ADH6: variants seen among roughly 807,000 people sequenced by gnomAD.
ADH6 encodes the protein alcohol dehydrogenase 6.
A neutral mutation model predicts 36.5 loss-of-function variants in ADH6; 34 were observed. That is an observed-to-expected ratio of 0.93 (90% confidence interval 0.71 to 1.24). ADH6 has a LOEUF of 1.24. ADH6 is among the 50% of genes most tolerant of loss of function. The pLI, the probability that ADH6 is intolerant of heterozygous loss-of-function variation, is 0.00. For missense variants in ADH6, 440 were observed against 447.0 expected (o/e 0.98, Z 0.14); for synonymous variants, 161 against 155.5 (o/e 1.04, Z -0.26).
chr4:99,217,541 A>T (rs1184744898), intron 1 of ADH6, among the ~76,000 whole-genome samples: 1 of 152,194 alleles, frequency 6.6e-6, no homozygotes, highest in African/African-American at 2.4e-5. Context: ...GCTGCAGATG[A>T]CAGGATCTCA....
Position 99,204,000 on chromosome 4 carries a change from C to G in ADH6, c.*219G>C. The G allele has an allele frequency of 1.9e-6, 1 of 526,866 alleles. No individual in the cohort carries two copies. Among genetic ancestry groups the G allele is most frequent in the Non-Finnish European group, 3.2e-6 (1 of 308,148 alleles). 32.6% of individuals were successfully genotyped at this position (526,866 alleles called of 1,614,324 possible). A position where few individuals can be genotyped will look rare whatever the true frequency, so the allele number is the denominator to read the frequency against. On this transcript the variant is annotated 3_prime_UTR_variant, in exon 9 of 9. Coordinates refer to ENST00000394899, the MANE Select transcript of ADH6 (RefSeq NM_001102470.2). ...GATTCAAGCCAACCTTAATCTAGCT[C>G]TGAAAAGGAGGCTGATCCTTGGTGA... is the stretch of plus-strand genomic sequence containing the variant.
rs1483529422 is a variant in ADH6, at chr4:99,203,275, G to A, written c.*944C>T. 6.6e-6 allele frequency: 1 copy of A among 152,082 alleles called. No individual in the cohort carries two copies. The highest frequency in any genetic ancestry group is 2.4e-5 in the African/African-American group (1 of 41,348). 9.4% of individuals were successfully genotyped at this position (152,082 alleles called of 1,614,324 possible). On this transcript the variant is annotated 3_prime_UTR_variant, in exon 9 of 9. Transcript: ENST00000394899. ...GTAATAGGCTCTTTTTGTATCAAGA[G>A]GAAGGGAAGGAAGTCATATCCCAAG...
intron 6 of ADH6, 62 bp downstream of exon 6, chr4:99,208,606 A>G (rs1560805184): frequency 8.5e-6 from 13 of 1,521,916 alleles, no homozygotes; most frequent in Non-Finnish European, 8.9e-6. Context: ...AGCTCATTCA[A>G]CTATAATCTA....
rs777072485 is a variant in ADH6, at chr4:99,210,521, G to A, written c.263-19C>T. 180 of 1,557,838 alleles carry A rather than the reference G, an allele frequency of 1.2e-4. No homozygotes were observed. The highest frequency in any genetic ancestry group is 1.5e-4 in the Non-Finnish European group (172 of 1,133,222). On this transcript the variant is annotated intron_variant, in intron 3 of 8. Transcript: ENST00000394899. ...TTGTCACCTAAAAGAGCAAAATCAT[G>A]TCTTATTAACATATTATTTTTTAAA... is the stretch of plus-strand genomic sequence containing the variant.
intron 3 of ADH6, among the ~76,000 whole-genome samples, chr4:99,211,811 C>T (rs1289189696): frequency 6.6e-6 from 1 of 152,082 alleles, no homozygotes. Context: ...CTGGAAGGTG[C>T]CACAGAAGAA....
At chr4:99,215,105 A>G (rs896703101) in intron 2 of ADH6, among the ~76,000 whole-genome samples, 2 of 152,084 alleles carry the variant, frequency 1.3e-5, no homozygotes, top group African/African-American at 4.8e-5. Context: ...CTTGTCTGAT[A>G]ATGGTTGAAT....
At chr4:99,216,738 A>G (rs745920812) in intron 1 of ADH6, among the ~76,000 whole-genome samples, 126 of 151,854 alleles carry the variant, frequency 8.3e-4, no homozygotes, top group Non-Finnish European at 1.6e-3. Context: ...CCAGCTACTC[A>G]GGAGGCTGAG....
At chr4:99,204,760 A>G (rs1730959436) in intron 8 of ADH6, 165 bp downstream of exon 8, 1 of 1,296,876 alleles carries the variant, frequency 7.7e-7, no homozygotes. Context: ...TAGAAATAAA[A>G]CAAAATGCAG....
Position 99,202,697 on chromosome 4 carries a change from C to T in ADH6, c.*1522G>A, listed in dbSNP as rs938486083. 12 of 397,890 alleles carry T rather than the reference C, an allele frequency of 3.0e-5. No homozygotes were observed. The highest frequency in any genetic ancestry group is 4.9e-5 in the Non-Finnish European group (11 of 225,618). 24.6% of individuals were successfully genotyped at this position (397,890 alleles called of 1,614,324 possible). A position where few individuals can be genotyped will look rare whatever the true frequency, so the allele number is the denominator to read the frequency against. ...AGTGTGGACACTGTTTACAACAAAA[C>T]GTTTCCGGGAAAACTTGGATTTCCC... On this transcript the variant is annotated 3_prime_UTR_variant, in exon 9 of 9. Coordinates refer to ENST00000394899, the MANE Select transcript of ADH6 (RefSeq NM_001102470.2).
At chr4:99,205,268 A>G (rs1404739463) in intron 7 of ADH6, among the ~76,000 whole-genome samples, 1 of 152,094 alleles carries the variant, frequency 6.6e-6, no homozygotes, top group Non-Finnish European at 1.5e-5. Flanking sequence ...TTCTGGTACT[A>G]CAGAGGAGAA....
At chr4:99,211,640 A>G (rs1412338214) in intron 3 of ADH6, among the ~76,000 whole-genome samples, 8 of 152,166 alleles carry the variant, frequency 5.3e-5, no homozygotes, top group Non-Finnish European at 4.4e-5. Context: ...AAGTTCACTA[A>G]TCAGTTGTCA....
intron 3 of ADH6, 152 bp from the exon 4 acceptor site, chr4:99,210,654 C>A: frequency 4.7e-6 from 3 of 638,938 alleles, no homozygotes; most frequent in South Asian, 2.1e-5. Flanking sequence ...CAAAGAATAT[C>A]AAATACTTAC....
chr4:99,217,256 T>C (rs1731474241), intron 1 of ADH6, among the ~76,000 whole-genome samples: 1 of 152,166 alleles, frequency 6.6e-6, no homozygotes, highest in Non-Finnish European at 1.5e-5. Flanking sequence ...CAGGATGTTC[T>C]TGATCTCCTG....
chr4:99,210,509 G>A lies in ADH6; in HGVS notation c.263-7C>T, dbSNP rs1191257106. The A allele has an allele frequency of 1.3e-6, 2 of 1,592,354 alleles. No homozygotes were observed. Among genetic ancestry groups the A allele is most frequent in the Middle Eastern group, 2.2e-4 (1 of 4,644 alleles). ...AGTGTGATAACTTTGTCACCTAAAA[G>A]AGCAAAATCATGTCTTATTAACATA... is the stretch of plus-strand genomic sequence containing the variant. On this transcript the variant is annotated splice_polypyrimidine_tract_variant and splice_region_variant and intron_variant, in intron 3 of 8. Transcript: ENST00000394899.
chr4:99,207,332 A>AG, intron 7 of ADH6, 114 bp downstream of exon 7: 1 of 1,409,944 alleles, frequency 7.1e-7, no homozygotes, highest in African/African-American at 1.4e-5. Context: ...GAAAAAAAAA[A>AG]TCTGTAATAT....
At position 99,216,226 on chromosome 4, in the gene ADH6, C is replaced by T; in HGVS notation, c.55G>A (p.Gly19Ser). Residue 19 changes from glycine to serine, a missense_variant, in exon 2 of 9, where the codon GGT becomes AGT. Gly to Ser is a moderately conservative substitution (Grantham distance 56). Transcript: ENST00000394899. ...ACCTCTTCAATAGAAAATGGTGCAC[C>T]AGGCTTCCAGAGTATGGCTGCTTTG... Reference protein sequence around the residue: ...RCKAAILWKPGAPFSIEEVEV... With the variant: ...RCKAAILWKPSAPFSIEEVEV... 1 of 1,584,786 alleles carries T rather than the reference C, an allele frequency of 6.3e-7. No individual in the cohort carries two copies.
rs1312267081 is a variant in ADH6, at chr4:99,203,807, C to T, written c.*412G>A. 2 of 160,002 alleles carry T rather than the reference C, an allele frequency of 1.2e-5. No homozygotes were observed. The highest frequency in any genetic ancestry group is 3.6e-4 in the East Asian group (2 of 5,542). 9.9% of individuals were successfully genotyped at this position (160,002 alleles called of 1,614,324 possible). ...GGTTAACCTGAATCTTCAATAAACTCATTAATGCGGAGTTTTGTTTCTTTA... is the reference window on the plus strand; with the variant it reads ...GGTTAACCTGAATCTTCAATAAACTTATTAATGCGGAGTTTTGTTTCTTTA... On this transcript the variant is annotated 3_prime_UTR_variant, in exon 9 of 9. Coordinates refer to ENST00000394899, the MANE Select transcript of ADH6 (RefSeq NM_001102470.2).
In ADH6 at chr4:99,216,192, G is replaced by T. The variant is rs1731417476; in HGVS notation, c.89C>A (p.Ala30Asp). 3 of 1,551,014 alleles carry T rather than the reference G, an allele frequency of 1.9e-6. No homozygotes were observed. Among genetic ancestry groups the T allele is most frequent in the Non-Finnish European group, 1.7e-6 (2 of 1,150,074 alleles). The part of the protein sequence containing the change: ...APFSIEEVEV[A>D]PPKAKEVRIK... ...GCGAACTTCCTTTGCCTTTGGTGGG[G>T]CCACTTCTACCTCTTCAATAGAAAA... Residue 30 changes from alanine (A) to aspartate (D), a missense_variant, in exon 2 of 9, where the codon GCC becomes GAC. Physicochemically the swap from Ala to Asp is moderately radical, Grantham distance 126. Coordinates refer to ENST00000394899, the MANE Select transcript of ADH6 (RefSeq NM_001102470.2).
At chr4:99,217,257 T>A (rs552499988) in intron 1 of ADH6, among the ~76,000 whole-genome samples, 6 of 152,162 alleles carry the variant, frequency 3.9e-5, no homozygotes, top group Admixed American at 3.9e-4. Flanking sequence ...AGGATGTTCT[T>A]GATCTCCTGA....
Sources: gnomAD v4.1 joint callset for allele counts (sites outside exome capture counted in the v4.1 genomes callset) on GRCh38, gnomAD v4.1.1 for gene constraint, MANE v1.5 for transcripts, NCBI Gene and HGNC (gene_info 2026-07-23, HGNC 2026-07-21) for gene names.